The following AKR1D1 variants were observed in gnomAD, a reference collection of about 807,000 sequenced individuals.
AKR1D1 encodes the protein delta(4)-3-ketosteroid 5-beta-reductase.
A neutral mutation model predicts 42.6 loss-of-function variants in AKR1D1; 32 were observed. That is an observed-to-expected ratio of 0.75 (90% CI 0.57 to 1.01). The LOEUF (loss-of-function observed/expected upper bound fraction) is 1.01. AKR1D1 is among the 50% of genes least tolerant of loss of function. AKR1D1 has a pLI of 0.00. For missense variants in AKR1D1, 364 were observed against 402.2 expected (o/e 0.91, Z 0.81); for synonymous variants, 123 against 135.5 (o/e 0.91, Z 0.64).
chr7:138,101,235 T>C (rs1321284891), intron 4 of AKR1D1, among the ~76,000 whole-genome samples: 1 of 124,444 alleles, frequency 8.0e-6, no homozygotes, highest in African/African-American at 3.0e-5. Context: ...AGTCTCGCTC[T>C]GTAGCCCAGG....
chr7:138,100,699 C>CTT (rs749956421), intron 4 of AKR1D1, among the ~76,000 whole-genome samples: 44,879 of 88,298 alleles, frequency 0.51, 12,188 homozygotes, highest in Middle Eastern at 0.56. Context: ...GTCAGAGATT[C>CTT]TTTTTTTTTT....
Position 138,113,785 on chromosome 7 carries a change from G to T in AKR1D1, c.938+13G>T. 3 of 1,610,246 alleles carry T rather than the reference G, an allele frequency of 1.9e-6. No homozygotes were observed. The highest frequency in any genetic ancestry group is 2.5e-6 in the Non-Finnish European group (3 of 1,176,534). On this transcript the variant is annotated intron_variant, in intron 8 of 8. Transcript: ENST00000242375. ...TAGAATTGCTCATGTAAGTTCCGGG[G>T]ATCATTAATGGGTATTGACCAGTGG... is the stretch of plus-strand genomic sequence containing the variant.
intron 3 of AKR1D1, among the ~76,000 whole-genome samples, chr7:138,094,121 C>T (rs999438139): frequency 1.3e-5 from 2 of 152,132 alleles, no homozygotes; most frequent in Non-Finnish European, 2.9e-5. Context: ...AGAAATGACA[C>T]AATATAGTGA....
chr7:138,113,843 C>A, intron 8 of AKR1D1, 71 bp downstream of exon 8: 1 of 1,407,134 alleles, frequency 7.1e-7, no homozygotes, highest in Non-Finnish European at 1.0e-6. Flanking sequence ...CAACAAGGCT[C>A]ATAAGAACCC....
chr7:138,097,738 C>A (rs1251302739), intron 3 of AKR1D1, 128 bp from the exon 4 acceptor site: 3 of 820,170 alleles, frequency 3.7e-6, no homozygotes, highest in African/African-American at 1.7e-5. Flanking sequence ...ATACTTTAGA[C>A]TGGGTGATTT....
At chr7:138,095,832 G>T (rs1217481193) in intron 3 of AKR1D1, among the ~76,000 whole-genome samples, 1 of 151,418 alleles carries the variant, frequency 6.6e-6, no homozygotes, top group Non-Finnish European at 1.5e-5. Context: ...GGCCAAATTA[G>T]GAACAAATTT....
At chr7:138,082,582 G>T (rs1382775338) in intron 1 of AKR1D1, among the ~76,000 whole-genome samples, 1 of 151,964 alleles carries the variant, frequency 6.6e-6, no homozygotes, top group Admixed American at 6.6e-5. Flanking sequence ...TTGTAAGACA[G>T]GGTCTTACTA....
chr7:138,115,350 G>A (rs1794614211), intron 8 of AKR1D1, among the ~76,000 whole-genome samples: 1 of 152,120 alleles, frequency 6.6e-6, no homozygotes, highest in African/African-American at 2.4e-5. Flanking sequence ...GCTGAGGTGG[G>A]AGGATCACTT....
chr7:138,113,782 G>A lies in AKR1D1; in HGVS notation c.938+10G>A, dbSNP rs769563205. On this transcript the variant is annotated intron_variant, in intron 8 of 8. Coordinates refer to ENST00000242375, the MANE Select transcript of AKR1D1 (RefSeq NM_005989.4). ...TTGTAGAATTGCTCATGTAAGTTCC[G>A]GGGATCATTAATGGGTATTGACCAG... 1.2e-5 allele frequency: 19 copies of A among 1,612,268 alleles called. No homozygotes were observed. The highest frequency in any genetic ancestry group is 2.7e-5 in the African/African-American group (2 of 74,864).
intron 3 of AKR1D1, among the ~76,000 whole-genome samples, chr7:138,092,571 A>G (rs1385248220): frequency 1.3e-5 from 2 of 152,364 alleles, no homozygotes; most frequent in Non-Finnish European, 2.9e-5. Context: ...TTACTTTTGT[A>G]ATAACATGAA....
In AKR1D1 at chr7:138,076,576, A is replaced by G. The variant is rs750969279; in HGVS notation, c.58A>G (p.Ile20Val). Reference sequence around the variant, plus strand: ...TCTAAGTGATGGAAACAGCATTCCCATCATCGGACTTGGTACCTACTCAGA... The same window carrying G: ...TCTAAGTGATGGAAACAGCATTCCCGTCATCGGACTTGGTACCTACTCAGA... ...IPLSDGNSIP[I>V]IGLGTYSEPK... The change falls in exon 1 of 9, where the codon ATC becomes GTC. Residue 20 changes from isoleucine (I) to valine (V), a missense_variant. Physicochemically the swap from Ile to Val is conservative, Grantham distance 29 (BLOSUM62 3). Coordinates refer to ENST00000242375, the MANE Select transcript of AKR1D1 (RefSeq NM_005989.4). 3 of 1,613,568 alleles carry G rather than the reference A, an allele frequency of 1.9e-6. No homozygotes were observed. In the South Asian group the frequency reaches 3.3e-5, roughly 18 times the overall value.
At chr7:138,113,617 C>T (rs926599247) in intron 7 of AKR1D1, 73 bp from the exon 8 acceptor site, 1 of 1,258,448 alleles carries the variant, frequency 7.9e-7, no homozygotes, top group Non-Finnish European at 1.2e-6. Flanking sequence ...CTTTGGAAGG[C>T]TCCCACCGGT....
At chr7:138,087,658 A>C (rs1223271816) in intron 1 of AKR1D1, among the ~76,000 whole-genome samples, 1 of 152,140 alleles carries the variant, frequency 6.6e-6, no homozygotes, top group Non-Finnish European at 1.5e-5. Flanking sequence ...TATCAACTCT[A>C]TAAGCTTCCT....
chr7:138,097,075 C>A (rs1286592436), intron 3 of AKR1D1, among the ~76,000 whole-genome samples: 4 of 152,184 alleles, frequency 2.6e-5, no homozygotes, highest in Non-Finnish European at 4.4e-5. Flanking sequence ...CCACCCAAGG[C>A]ATCTGGGATC....
chr7:138,116,509 T>G, intron 8 of AKR1D1, 111 bp from the exon 9 acceptor site: 1 of 1,189,544 alleles, frequency 8.4e-7, no homozygotes, highest in Admixed American at 1.7e-5. Context: ...AGCAGAGGAA[T>G]GAATAGGAGA....
In AKR1D1 at chr7:138,088,897, GGTTT is replaced by G. The variant is rs148566795; in HGVS notation, c.261+151_261+154del. ...GTAGGCAGTACTTAATAACAGTTTG[GGTTT>G]GTTTGTTTGTTTGTTTGTTTGAAAG... On this transcript the variant is annotated intron_variant, in intron 2 of 8. Transcript: ENST00000242375. The G allele has an allele frequency of 9.2e-3, 9,766 of 1,058,962 alleles. 244 individuals carry two copies. The highest frequency in any genetic ancestry group is 0.076 in the African/African-American group (4,586 of 60,650). The allele number at this position is 1,058,962 out of a possible 1,614,324, so 65.6% of individuals were successfully genotyped here. A position where few individuals can be genotyped will look rare whatever the true frequency, so the allele number is the denominator to read the frequency against.
intron 3 of AKR1D1, 23 bp from the exon 4 acceptor site, chr7:138,097,843 T>C (rs1794212906): frequency 3.4e-6 from 5 of 1,462,708 alleles, no homozygotes; most frequent in African/African-American, 1.8e-5. Context: ...GAATTACATT[T>C]ATTCTTTTTT....
intron 6 of AKR1D1, 45 bp downstream of exon 6, chr7:138,106,762 G>A (rs1376350647): frequency 6.9e-7 from 1 of 1,441,066 alleles, no homozygotes; most frequent in Non-Finnish European, 9.8e-7. Context: ...TAGAGTGTGA[G>A]GCTCATGTGA....
chr7:138,105,467 G>A lies in AKR1D1; in HGVS notation c.579+38G>A, dbSNP rs749485594. On this transcript the variant is annotated intron_variant, in intron 5 of 8. Transcript: ENST00000242375. ...AGCTTCCACTAGGGTGTGGGGAGTG[G>A]GGGCAGGATTTACATGACACAAAGA... The A allele has an allele frequency of 3.7e-6, 6 of 1,612,828 alleles. No individual in the cohort carries two copies. The South Asian group carries it at 6.6e-5, about 18-fold the overall frequency.
Sources: allele counts gnomAD v4.1 joint callset (sites outside exome capture counted in the v4.1 genomes callset), GRCh38; gene constraint gnomAD v4.1.1; transcripts MANE v1.5; gene names NCBI Gene and HGNC (gene_info 2026-07-23, HGNC 2026-07-21).